The following RNF180 variants were observed in gnomAD, a reference collection of about 807,000 sequenced individuals.
RNF180 encodes the protein ring finger protein 180.
Under a neutral mutation model 59.2 loss-of-function variants are expected in RNF180, and 38 were observed. That is an observed-to-expected ratio of 0.64 (90% confidence interval 0.50 to 0.84). The LOEUF (loss-of-function observed/expected upper bound fraction) is 0.84. Among genes scored for constraint, RNF180 ranks in the 40% least tolerant of loss-of-function variants. The pLI, the probability that RNF180 is intolerant of heterozygous loss-of-function variation, is 0.00. For synonymous variants in RNF180, 262 were observed against 240.3 expected (o/e 1.09, Z -0.84); for missense variants, 705 against 700.9 (o/e 1.01, Z -0.07).
intron 5 of RNF180, among the ~76,000 whole-genome samples, chr5:64,245,821 T>C (rs1367937630): frequency 6.6e-6 from 1 of 152,226 alleles, no homozygotes; most frequent in Admixed American, 6.5e-5. Context: ...TACATTCTTC[T>C]AAACACCACA....
chr5:64,323,967 C>G (rs976116511), intron 5 of RNF180, among the ~76,000 whole-genome samples: 6 of 152,138 alleles, frequency 3.9e-5, no homozygotes, highest in African/African-American at 1.4e-4. Flanking sequence ...TAGGTGGATG[C>G]AAAGGTAATT....
At chr5:64,222,646 C>T (rs1002546897) in intron 5 of RNF180, among the ~76,000 whole-genome samples, 20 of 152,086 alleles carry the variant, frequency 1.3e-4, no homozygotes, top group African/African-American at 4.6e-4. Context: ...CTGACACATA[C>T]CAAAATTCCA....
chr5:64,201,002 A>G, intron 2 of RNF180, 60 bp downstream of exon 2: 8 of 1,247,864 alleles, frequency 6.4e-6, no homozygotes, highest in Non-Finnish European at 9.1e-6. Flanking sequence ...GGGCCTATCC[A>G]CACACATGCA....
chr5:64,309,897 C>A (rs1490900597), intron 5 of RNF180, among the ~76,000 whole-genome samples: 1 of 151,402 alleles, frequency 6.6e-6, no homozygotes, highest in Non-Finnish European at 1.5e-5. Flanking sequence ...CATCTTTTGG[C>A]GAAAATGTCG....
At chr5:64,356,822 G>C (rs897635986) in intron 7 of RNF180, among the ~76,000 whole-genome samples, 1 of 151,838 alleles carries the variant, frequency 6.6e-6, no homozygotes, top group East Asian at 1.9e-4. Context: ...CCAGTGGCTG[G>C]GGAAAGGGAC....
chr5:64,186,529 T>G (rs1008458760), intron 1 of RNF180, among the ~76,000 whole-genome samples: 6 of 152,134 alleles, frequency 3.9e-5, no homozygotes, highest in Non-Finnish European at 7.4e-5. Context: ...AGAACCCCTC[T>G]CACCCTCTCA....
intron 1 of RNF180, 101 bp from the exon 2 acceptor site, chr5:64,200,707 C>G: frequency 1.0e-6 from 1 of 974,976 alleles, no homozygotes; most frequent in Admixed American, 2.3e-5. Context: ...TGATAGTTCC[C>G]TGCTTTACTG....
intron 5 of RNF180, among the ~76,000 whole-genome samples, chr5:64,291,488 G>A (rs553776079): frequency 7.9e-5 from 11 of 138,770 alleles, no homozygotes; most frequent in Non-Finnish European, 1.2e-4. Context: ...GCAGTGGTGC[G>A]ATCTTGGCTC....
chr5:64,213,615 T>C lies in RNF180; in HGVS notation c.289T>C (p.Phe97Leu). 1 of 1,614,142 alleles carries C rather than the reference T, an allele frequency of 6.2e-7. No individual in the cohort carries two copies. The highest frequency in any genetic ancestry group is 8.5e-7 in the Non-Finnish European group (1 of 1,179,962). The change falls in exon 4 of 8, where the codon TTT becomes CTT. Residue 97 changes from phenylalanine to leucine, a missense_variant. By Grantham distance (22) the Phe-to-Leu change is conservative. Coordinates refer to ENST00000389100, the MANE Select transcript of RNF180 (RefSeq NM_001113561.2). ...TTTCTGTGGGGCCCGTTTAGGGGGC[T>C]TTAATTTTGTCAGCACTCCAAAATG... is the stretch of plus-strand genomic sequence containing the variant. ...CPFCGARLGG[F>L]NFVSTPKCSC...
At position 64,336,008 on chromosome 5, in the gene RNF180, A is replaced by G. The variant is rs775789796; in HGVS notation, c.1579+5602A>G. On this transcript the variant is annotated intron_variant, in intron 7 of 7. Coordinates refer to ENST00000389100, the MANE Select transcript of RNF180 (RefSeq NM_001113561.2). ...CTAGATTTATTCCCATGTACTTGCTATGTTGTCCTCTTCTCTCCTTTTTTG... is the reference window on the plus strand; with the variant it reads ...CTAGATTTATTCCCATGTACTTGCTGTGTTGTCCTCTTCTCTCCTTTTTTG... Among the ~76,000 whole-genome samples the G allele has an allele frequency of 3.2e-4, 49 of 152,212 alleles. No homozygotes were observed. The Middle Eastern group carries it at 0.014, about 42-fold the overall frequency.
chr5:64,307,613 T>A (rs1235592319), intron 5 of RNF180, among the ~76,000 whole-genome samples: 1 of 151,668 alleles, frequency 6.6e-6, no homozygotes, highest in South Asian at 2.1e-4. Flanking sequence ...AACTTAAAAA[T>A]ATCATAAGTC....
At chr5:64,285,006 G>C (rs117720899) in intron 5 of RNF180, among the ~76,000 whole-genome samples, 1 of 152,096 alleles carries the variant, frequency 6.6e-6, no homozygotes, top group Admixed American at 6.5e-5. Context: ...TTTTATTTTC[G>C]TTGGTGCCTT....
chr5:64,291,660 C>T (rs1199691994), intron 5 of RNF180, among the ~76,000 whole-genome samples: 3 of 151,926 alleles, frequency 2.0e-5, no homozygotes, highest in African/African-American at 7.3e-5. Context: ...ATCTCCTGAC[C>T]TCATGATCCA....
At chr5:64,223,413 A>ATTAT (rs1741475491) in intron 5 of RNF180, among the ~76,000 whole-genome samples, 1 of 152,206 alleles carries the variant, frequency 6.6e-6, no homozygotes, top group Non-Finnish European at 1.5e-5. Flanking sequence ...GGACCTGGAC[A>ATTAT]TCTTTGGGGA....
intron 5 of RNF180, among the ~76,000 whole-genome samples, chr5:64,319,808 C>G (rs1744252111): frequency 6.6e-6 from 1 of 152,204 alleles, no homozygotes; most frequent in African/African-American, 2.4e-5. Flanking sequence ...TGAAAACAAA[C>G]TAGCAGCAGT....
chr5:64,170,310 A>G (rs1382874110), intron 1 of RNF180, among the ~76,000 whole-genome samples: 1 of 152,206 alleles, frequency 6.6e-6, no homozygotes, highest in Non-Finnish European at 1.5e-5. Context: ...TGATACACTC[A>G]TTTGGACTTG....
In RNF180 at chr5:64,369,655, C is replaced by G; in HGVS notation, c.1620C>G (p.Phe540Leu). The change falls in exon 8 of 8, where the codon TTC (phenylalanine) becomes TTG (leucine). Residue 540 changes from phenylalanine (F) to leucine (L), a missense_variant. By Grantham distance (22) the Phe-to-Leu change is conservative. Transcript: ENST00000389100. ...RHAAPVTRRQ[F>L]PHGAHRMDYL... ...CAGCTCCAGTTACAAGAAGGCAGTT[C>G]CCACACGGTGCACACAGGATGGATT... 1 of 1,533,882 alleles carries G rather than the reference C, an allele frequency of 6.5e-7. No homozygotes were observed. The highest frequency in any genetic ancestry group is 8.8e-7 in the Non-Finnish European group (1 of 1,141,080).
rs1464492730 is a variant in RNF180, at chr5:64,330,322, T to A, written c.1495T>A (p.Leu499Met). ...ATKTFFTKEY[L>M]KIKQSFQKSN... ...AAAAACTTTCTTTACTAAAGAATAT[T>A]TGAAAATAAAACAAAGCTTTCAGAA... is the stretch of plus-strand genomic sequence containing the variant. The change falls in exon 7 of 8, where the codon TTG becomes ATG. Residue 499 changes from leucine to methionine, a missense_variant. Transcript: ENST00000389100. 1 of 1,529,290 alleles carries A rather than the reference T, an allele frequency of 6.5e-7. No homozygotes were observed. Among genetic ancestry groups the A allele is most frequent in the African/African-American group, 1.4e-5 (1 of 72,340 alleles). 94.7% of individuals were successfully genotyped at this position (1,529,290 alleles called of 1,614,324 possible).
At position 64,344,162 on chromosome 5, in the gene RNF180, T is replaced by C. The variant is rs1745463546; in HGVS notation, c.1579+13756T>C. On this transcript the variant is annotated intron_variant, in intron 7 of 7. Coordinates refer to ENST00000389100, the MANE Select transcript of RNF180 (RefSeq NM_001113561.2). Reference sequence around the variant, plus strand: ...ATTCATACTAAAATAGATTGGCAGATGGGTTAAGAAAAACAAGAACCAATT... The same window carrying C: ...ATTCATACTAAAATAGATTGGCAGACGGGTTAAGAAAAACAAGAACCAATT... 2.0e-5 allele frequency among the ~76,000 whole-genome samples: 3 copies of C among 151,950 alleles called. No individual in the cohort carries two copies. The South Asian group carries it at 6.2e-4, about 31-fold the overall frequency.
Sources: gnomAD v4.1 joint callset for allele counts (sites outside exome capture counted in the v4.1 genomes callset) on GRCh38, gnomAD v4.1.1 for gene constraint, MANE v1.5 for transcripts, NCBI Gene and HGNC (gene_info 2026-07-23, HGNC 2026-07-21) for gene names.